The following PKP4 variants were observed in gnomAD, a reference collection of about 807,000 sequenced individuals.
The protein encoded by PKP4 is plakophilin 4.
Under a neutral mutation model 145.1 loss-of-function variants are expected in PKP4, and 90 were observed. The observed-to-expected ratio is 0.62, with a 90% confidence interval of 0.52 to 0.74. The LOEUF is 0.74. Ranked by LOEUF, PKP4 falls within the 30% of genes least tolerant of loss-of-function variation. The pLI, the probability that PKP4 is intolerant of heterozygous loss-of-function variation, is 0.00. For missense variants in PKP4, 1,340 were observed against 1,482.7 expected (o/e 0.90, Z 1.58); for synonymous variants, 563 against 577.2 (o/e 0.98, Z 0.35).
chr2:158,592,001 T>G (rs2049311655), intron 3 of PKP4, among the ~76,000 whole-genome samples: 1 of 152,144 alleles, frequency 6.6e-6, no homozygotes, highest in African/African-American at 2.4e-5. Context: ...CTTTTCTGTT[T>G]GCCTTGAAGG....
intron 4 of PKP4, among the ~76,000 whole-genome samples, chr2:158,610,897 C>T (rs142592460): frequency 2.6e-4 from 40 of 152,308 alleles, no homozygotes; most frequent in African/African-American, 8.9e-4. Flanking sequence ...CTGTCCCCAC[C>T]AGCCAGCCAG....
At chr2:158,578,551 T>C (rs2048057606) in intron 3 of PKP4, among the ~76,000 whole-genome samples, 1 of 152,106 alleles carries the variant, frequency 6.6e-6, no homozygotes, top group African/African-American at 2.4e-5. Context: ...TTCTCTATAA[T>C]ATTTTTTAGA....
At chr2:158,511,824 C>T (rs2105529578) in intron 1 of PKP4, among the ~76,000 whole-genome samples, 1 of 151,990 alleles carries the variant, frequency 6.6e-6, no homozygotes, top group East Asian at 1.9e-4. Context: ...GAAGTAGAAG[C>T]ACATGCAAAC....
intron 2 of PKP4, among the ~76,000 whole-genome samples, chr2:158,545,073 CTTTTTTTTTTTT>C (rs386391605): frequency 1.4e-5 from 1 of 72,510 alleles, no homozygotes; most frequent in East Asian, 5.1e-4. Context: ...AAGTCTTTCA[CTTTTTTTTTTTT>C]TTTTTTTTTT....
rs59876637 is a variant in PKP4, at chr2:158,461,683, A to G, written c.-6+4465A>G. Among the ~76,000 whole-genome samples the G allele has an allele frequency of 7.2e-3, 1,090 of 152,236 alleles. 14 individuals carry two copies. Among genetic ancestry groups the G allele is most frequent in the African/African-American group, 0.025 (1,038 of 41,526 alleles). Reference sequence around the variant, plus strand: ...GGGTAGGGAGGGAGGGGGCCAGGGGAAGCACCTTTCTTTGACATCTGAGGC... The same window carrying G: ...GGGTAGGGAGGGAGGGGGCCAGGGGGAGCACCTTTCTTTGACATCTGAGGC... On this transcript the variant is annotated intron_variant, in intron 1 of 21. Transcript: ENST00000389759.
At chr2:158,628,872 G>A (rs1051636995) in intron 7 of PKP4, among the ~76,000 whole-genome samples, 4 of 152,114 alleles carry the variant, frequency 2.6e-5, no homozygotes, top group Non-Finnish European at 5.9e-5. Context: ...TCCAGTCTTC[G>A]GCTTGGCTCT....
rs555243734 is a variant in PKP4, at chr2:158,596,794, G to A, written c.246-6276G>A. Among the ~76,000 whole-genome samples the A allele has an allele frequency of 8.1e-4, 123 of 152,258 alleles. 1 individual carries two copies. The highest frequency in any genetic ancestry group is 1.3e-4 in the Admixed American group (2 of 15,298). On this transcript the variant is annotated intron_variant, in intron 3 of 21. Transcript: ENST00000389759. The stretch of plus-strand genomic sequence containing the variant: ...ATGTCAGATTTCTTACACATGCAGC[G>A]TATTATTTTGGTGGTCTCCCAAACT...
chr2:158,626,550 G>A (rs980627338), intron 7 of PKP4, among the ~76,000 whole-genome samples: 1 of 152,308 alleles, frequency 6.6e-6, no homozygotes, highest in South Asian at 2.1e-4. Context: ...CAAAATATAT[G>A]TGTATTTTTA....
chr2:158,544,451 G>A (rs1351102520), intron 2 of PKP4, among the ~76,000 whole-genome samples: 1 of 151,984 alleles, frequency 6.6e-6, no homozygotes, highest in Non-Finnish European at 1.5e-5. Context: ...AGTAATTTAG[G>A]CCTAAATATT....
intron 2 of PKP4, among the ~76,000 whole-genome samples, chr2:158,539,843 C>T (rs184047010): frequency 1.1e-4 from 16 of 152,302 alleles, no homozygotes; most frequent in African/African-American, 3.8e-4. Context: ...TCTAAAATGG[C>T]TCTCAGGAGA....
intron 1 of PKP4, among the ~76,000 whole-genome samples, chr2:158,530,504 C>CTTTTT (rs869120223): frequency 0.013 from 1,189 of 92,096 alleles, 18 homozygotes; most frequent in African/African-American, 0.029. Flanking sequence ...CTCTTTCTTT[C>CTTTTT]TTTTTTTTTT....
chr2:158,565,047 A>G (rs2046857474), intron 2 of PKP4, among the ~76,000 whole-genome samples: 2 of 152,222 alleles, frequency 1.3e-5, no homozygotes, highest in South Asian at 4.1e-4. Context: ...TTAGAATTTC[A>G]GTCCAACTCT....
chr2:158,608,380 A>G (rs1038226793), intron 4 of PKP4, among the ~76,000 whole-genome samples: 13 of 152,188 alleles, frequency 8.5e-5, no homozygotes, highest in African/African-American at 3.1e-4. Context: ...ATACATAATA[A>G]TTAAATGTTG....
intron 1 of PKP4, among the ~76,000 whole-genome samples, chr2:158,477,668 C>T (rs768242255): frequency 1.1e-4 from 17 of 152,118 alleles, no homozygotes; most frequent in Non-Finnish European, 2.2e-4. Flanking sequence ...AATTTCCTGG[C>T]AACAATATCC....
At chr2:158,540,693 A>G (rs1453531234) in intron 2 of PKP4, among the ~76,000 whole-genome samples, 1 of 152,118 alleles carries the variant, frequency 6.6e-6, no homozygotes, top group Non-Finnish European at 1.5e-5. Flanking sequence ...GTATTATGTC[A>G]GTTTTATGTA....
chr2:158,547,371 CA>C (rs1398413433), intron 2 of PKP4, among the ~76,000 whole-genome samples: 3 of 152,122 alleles, frequency 2.0e-5, no homozygotes. Flanking sequence ...GGATGAATCT[CA>C]AAAATCTGCT....
chr2:158,510,237 A>C (rs1205738415), intron 1 of PKP4, among the ~76,000 whole-genome samples: 1 of 152,218 alleles, frequency 6.6e-6, no homozygotes, highest in East Asian at 1.9e-4. Flanking sequence ...TAATATATTA[A>C]ACATTTTTCT....
At chr2:158,630,554 G>T (rs182815986) in intron 7 of PKP4, among the ~76,000 whole-genome samples, 164 of 152,268 alleles carry the variant, frequency 1.1e-3, no homozygotes, top group Non-Finnish European at 1.7e-3. Context: ...GTGTTTTTCT[G>T]TAAAAATTAT....
intron 1 of PKP4, among the ~76,000 whole-genome samples, chr2:158,486,975 A>G (rs1319917005): frequency 2.0e-5 from 3 of 152,190 alleles, no homozygotes; most frequent in African/African-American, 7.2e-5. Flanking sequence ...TTTAAATACA[A>G]AGGAGACTAT....
Sources: allele counts gnomAD v4.1 joint callset (sites outside exome capture counted in the v4.1 genomes callset), GRCh38; gene constraint gnomAD v4.1.1; transcripts MANE v1.5; gene names NCBI Gene and HGNC (gene_info 2026-07-23, HGNC 2026-07-21).